The following PLXDC2 variants were observed in gnomAD, a reference collection of about 807,000 sequenced individuals.
PLXDC2 encodes the protein plexin domain containing 2.
Under a neutral mutation model 68.9 loss-of-function variants are expected in PLXDC2, and 40 were observed. The observed-to-expected ratio is 0.58, with a 90% CI of 0.45 to 0.76. The LOEUF (loss-of-function observed/expected upper bound fraction) is 0.76, where lower values mean the gene tolerates loss of function less well. PLXDC2 is among the 30% of genes least tolerant of loss of function. The probability of loss-of-function intolerance (pLI) is 0.00; values close to 1 mark genes in which losing one functional copy is unlikely to be tolerated. For missense variants in PLXDC2, 644 were observed against 661.9 expected (o/e 0.97, Z 0.30); for synonymous variants, 243 against 234.2 (o/e 1.04, Z -0.34).
At chr10:19,863,051 T>G (rs1837344944) in intron 1 of PLXDC2, among the ~76,000 whole-genome samples, 1 of 152,200 alleles carries the variant, frequency 6.6e-6, no homozygotes, top group South Asian at 2.1e-4. Flanking sequence ...TTTTGTGCTA[T>G]TATTTTTAGA....
chr10:19,860,150 C>G (rs1188742946), intron 1 of PLXDC2, among the ~76,000 whole-genome samples: 1 of 152,238 alleles, frequency 6.6e-6, no homozygotes. Flanking sequence ...TTTCCCTCTT[C>G]TCTCTTTTTT....
intron 7 of PLXDC2, among the ~76,000 whole-genome samples, chr10:20,166,414 C>G (rs1834375097): frequency 6.6e-6 from 1 of 152,056 alleles, no homozygotes; most frequent in Non-Finnish European, 1.5e-5. Flanking sequence ...GTGAACAAAG[C>G]AAGGATACAT....
In PLXDC2 at chr10:20,001,890, C is replaced by A; in HGVS notation, c.228C>A (p.Asp76Glu). The change falls in exon 2 of 14, where the codon GAC (aspartate) becomes GAA (glutamate). Residue 76 changes from aspartate to glutamate, a missense_variant. Around this residue, in one of 3 missense-constraint regions of PLXDC2, gnomAD observed 201 missense variants for 166.9 expected, o/e 1.20. Transcript: ENST00000377252. ...KRNLDFLKAV[D>E]TNRASVGQDS... is the part of the protein sequence containing the mutation. ...ACTTGGACTTTCTCAAGGCGGTAGA[C>A]ACGAACCGAGCAAGCGTCGGCCAAG... The A allele has an allele frequency of 1.3e-5, 21 of 1,613,910 alleles. No homozygotes were observed. The highest frequency in any genetic ancestry group is 1.8e-5 in the Non-Finnish European group (21 of 1,179,994).
At chr10:19,904,035 G>A (rs1299549969) in intron 1 of PLXDC2, among the ~76,000 whole-genome samples, 1 of 151,950 alleles carries the variant, frequency 6.6e-6, no homozygotes, top group Non-Finnish European at 1.5e-5. Context: ...ATTCCACTAC[G>A]ATCTGGGAGA....
chr10:20,114,648 C>T (rs186605181), intron 4 of PLXDC2, among the ~76,000 whole-genome samples: 50 of 152,176 alleles, frequency 3.3e-4, no homozygotes, highest in Admixed American at 2.4e-3. Context: ...TCTTCACAGA[C>T]GAGGAGAAGC....
At chr10:20,228,483 G>C (rs889374054) in intron 12 of PLXDC2, among the ~76,000 whole-genome samples, 16 of 151,910 alleles carry the variant, frequency 1.1e-4, no homozygotes, top group Admixed American at 9.2e-4. Context: ...GATTGCTTGA[G>C]ACTGGGAGGT....
At chr10:19,843,687 T>G (rs1310350484) in intron 1 of PLXDC2, among the ~76,000 whole-genome samples, 1 of 152,150 alleles carries the variant, frequency 6.6e-6, no homozygotes, top group African/African-American at 2.4e-5. Context: ...AGATCCCACA[T>G]GTTTCTCATT....
chr10:19,887,428 A>T (rs553802789), intron 1 of PLXDC2, among the ~76,000 whole-genome samples: 1 of 152,272 alleles, frequency 6.6e-6, no homozygotes, highest in African/African-American at 2.4e-5. Context: ...AAGCTGAGGC[A>T]GGAGAATCGC....
chr10:20,177,549 G>T, intron 9 of PLXDC2, 140 bp downstream of exon 9: 1 of 313,302 alleles, frequency 3.2e-6, no homozygotes, highest in South Asian at 1.1e-4. Flanking sequence ...AGGGATGCTT[G>T]AACCCAGGAG....
chr10:19,988,480 T>TAA (rs1280270977), intron 1 of PLXDC2, among the ~76,000 whole-genome samples: 2 of 152,136 alleles, frequency 1.3e-5, no homozygotes, highest in African/African-American at 4.8e-5. Flanking sequence ...ATATTTAAGA[T>TAA]TAGGTCTCAA....
chr10:19,929,674 G>C (rs1833594385), intron 1 of PLXDC2, among the ~76,000 whole-genome samples: 1 of 152,074 alleles, frequency 6.6e-6, no homozygotes, highest in Non-Finnish European at 1.5e-5. Flanking sequence ...CTAGCACAAA[G>C]CTATGAGTCA....
At chr10:20,000,390 G>C (rs1030287809) in intron 1 of PLXDC2, among the ~76,000 whole-genome samples, 3 of 151,120 alleles carry the variant, frequency 2.0e-5, no homozygotes, top group Non-Finnish European at 4.4e-5. Flanking sequence ...TGGTCTCTGT[G>C]GTCCTTTTGA....
chr10:19,880,086 C>T (rs1837700544), intron 1 of PLXDC2, among the ~76,000 whole-genome samples: 3 of 152,154 alleles, frequency 2.0e-5, no homozygotes, highest in Non-Finnish European at 2.9e-5. Flanking sequence ...GTATGATAAT[C>T]AGTCCTTTAA....
At position 20,213,770 on chromosome 10, in the gene PLXDC2, A is replaced by G. The variant is rs573503225; in HGVS notation, c.1122+2041A>G. ...CATGGGCATTTTGTACAAAGGGTCT[A>G]TGTGTGTTCAAGAAAAATGTGTGTT... On this transcript the variant is annotated intron_variant, in intron 10 of 13. Coordinates refer to ENST00000377252, the MANE Select transcript of PLXDC2 (RefSeq NM_032812.9). 1.2e-4 allele frequency among the ~76,000 whole-genome samples: 18 copies of G among 152,250 alleles called. 1 individual carries two copies. In the East Asian group the frequency reaches 2.3e-3, roughly 20 times the overall value.
chr10:20,074,527 A>C (rs896866171), intron 4 of PLXDC2, among the ~76,000 whole-genome samples: 2 of 152,122 alleles, frequency 1.3e-5, no homozygotes, highest in Non-Finnish European at 2.9e-5. Flanking sequence ...TTTCTGTTTA[A>C]ATTCCCACTA....
Position 20,280,780 on chromosome 10 carries a change from T to C in PLXDC2, c.*961T>C, listed in dbSNP as rs1588559642. ...TATTTTTAATTTTATGCCTTTTCAG[T>C]ACTAAACACCCATTTCATTGCTGAT... On this transcript the variant is annotated 3_prime_UTR_variant, in exon 14 of 14. Transcript: ENST00000377252. The C allele has an allele frequency of 6.6e-6, 1 of 152,244 alleles. No homozygotes were observed. The highest frequency in any genetic ancestry group is 3.4e-3 in the Middle Eastern group (1 of 294). 9.4% of individuals were successfully genotyped at this position (152,244 alleles called of 1,614,324 possible).
intron 1 of PLXDC2, among the ~76,000 whole-genome samples, chr10:19,946,369 A>T (rs905460322): frequency 3.3e-5 from 5 of 152,042 alleles, no homozygotes; most frequent in Non-Finnish European, 7.4e-5. Flanking sequence ...CAAATTAAAT[A>T]TGTTGTTTGT....
intron 4 of PLXDC2, among the ~76,000 whole-genome samples, chr10:20,118,008 A>C (rs956363516): frequency 5.9e-4 from 90 of 152,090 alleles, no homozygotes; most frequent in Admixed American, 5.7e-3. Flanking sequence ...AATGTACTTT[A>C]ACATGCCATC....
chr10:19,860,530 C>A (rs1305275023), intron 1 of PLXDC2, among the ~76,000 whole-genome samples: 4 of 152,092 alleles, frequency 2.6e-5, no homozygotes, highest in Non-Finnish European at 5.9e-5. Context: ...GGAAATGAAC[C>A]AATGGAGAAT....
Sources: gnomAD v4.1 joint callset for allele counts (sites outside exome capture counted in the v4.1 genomes callset) on GRCh38, gnomAD v4.1.1 for gene constraint, gnomAD v4.1.1 regional missense constraint, MANE v1.5 for transcripts, NCBI Gene and HGNC (gene_info 2026-07-23, HGNC 2026-07-21) for gene names.